Variants in TEX36 observed in about 807,000 individuals in gnomAD.
TEX36 encodes testis-expressed protein 36.
In TEX36, 12 loss-of-function variants were observed where a neutral mutation model predicts 13.6. That is an observed-to-expected ratio of 0.88 (90% CI 0.56 to 1.43). TEX36 has a LOEUF of 1.43. Ranked by LOEUF, TEX36 falls within the 40% of genes most tolerant of loss-of-function variation. The pLI is 0.00. For synonymous variants in TEX36, 93 were observed against 83.0 expected (o/e 1.12, Z -0.65); for missense variants, 224 against 228.3 (o/e 0.98, Z 0.12).
chr10:125,609,103 C>T (rs919921940), intron 3 of TEX36, among the ~76,000 whole-genome samples: 3 of 149,628 alleles, frequency 2.0e-5, no homozygotes, highest in South Asian at 2.1e-4. Context: ...TGCAGTGAGC[C>T]GAGATGGTGC....
At chr10:125,614,558 T>A (rs912346531) in intron 3 of TEX36, among the ~76,000 whole-genome samples, 1 of 152,216 alleles carries the variant, frequency 6.6e-6, no homozygotes, top group Non-Finnish European at 1.5e-5. Flanking sequence ...CCATTGCTTG[T>A]TCTTCTCAGG....
intron 3 of TEX36, among the ~76,000 whole-genome samples, chr10:125,649,851 T>C (rs528068713): frequency 1.7e-4 from 26 of 152,214 alleles, no homozygotes; most frequent in African/African-American, 6.3e-4. Flanking sequence ...GCAATCCTAG[T>C]CTCTGACAAA....
intron 3 of TEX36, among the ~76,000 whole-genome samples, chr10:125,607,883 G>A (rs56379159): frequency 0.078 from 11,801 of 152,168 alleles, 1,429 homozygotes; most frequent in African/African-American, 0.26. Flanking sequence ...CTGAGGCTGA[G>A]TCACATGACT....
At chr10:125,671,235 C>G (rs945557964) in intron 1 of TEX36, among the ~76,000 whole-genome samples, 2 of 152,134 alleles carry the variant, frequency 1.3e-5, no homozygotes, top group African/African-American at 4.8e-5. Context: ...ATGCTTCCAG[C>G]TTTTACCCAT....
intron 3 of TEX36, among the ~76,000 whole-genome samples, chr10:125,659,348 G>T (rs949811430): frequency 1.3e-5 from 2 of 152,186 alleles, no homozygotes; most frequent in Non-Finnish European, 2.9e-5. Flanking sequence ...ATACATTTAT[G>T]TGTGTACATC....
intron 3 of TEX36, among the ~76,000 whole-genome samples, chr10:125,646,436 T>C (rs986021473): frequency 1.3e-5 from 2 of 152,206 alleles, no homozygotes; most frequent in Non-Finnish European, 2.9e-5. Context: ...TACAGTGGCA[T>C]TCTGAGGGAG....
chr10:125,675,677 C>T (rs1274428413), intron 1 of TEX36, among the ~76,000 whole-genome samples: 1 of 152,172 alleles, frequency 6.6e-6, no homozygotes, highest in African/African-American at 2.4e-5. Context: ...GGCAGACACA[C>T]CACCCTACTT....
At chr10:125,599,709 C>A (rs1390853472) in intron 3 of TEX36, among the ~76,000 whole-genome samples, 2 of 152,192 alleles carry the variant, frequency 1.3e-5, no homozygotes, top group African/African-American at 2.4e-5. Flanking sequence ...ATATCTCTCC[C>A]TTAATATAAT....
exon 4 of TEX36, chr10:125,576,767 T>G (rs1341096500): frequency 6.5e-7 from 1 of 1,535,176 alleles, no homozygotes; most frequent in African/African-American, 1.4e-5. Context: ...CAAGGAGGGG[T>G]GCATTAGTTC....
chr10:125,641,204 T>C (rs924637770), intron 3 of TEX36, among the ~76,000 whole-genome samples: 5 of 152,290 alleles, frequency 3.3e-5, no homozygotes, highest in East Asian at 3.9e-4. Context: ...TTCCCGTGCC[T>C]GGCCACCCAA....
intron 3 of TEX36, among the ~76,000 whole-genome samples, chr10:125,585,103 A>C (rs534735873): frequency 2.6e-5 from 4 of 152,180 alleles, no homozygotes; most frequent in Admixed American, 6.5e-5. Flanking sequence ...AAAGAAAAAC[A>C]CCAGGAAAAA....
chr10:125,614,955 C>A (rs1402341758), intron 3 of TEX36, among the ~76,000 whole-genome samples: 2 of 152,120 alleles, frequency 1.3e-5, no homozygotes, highest in African/African-American at 4.8e-5. Context: ...TCTTTTATTT[C>A]CTTGAGCAGT....
downstream of TEX36, among the ~76,000 whole-genome samples, chr10:125,619,896 C>T (rs953926124): frequency 6.7e-6 from 1 of 150,134 alleles, no homozygotes; most frequent in Non-Finnish European, 1.5e-5. Flanking sequence ...TATATGTGTG[C>T]ATATATATAT....
chr10:125,611,037 T>C (rs1195939208), intron 3 of TEX36, among the ~76,000 whole-genome samples: 1 of 152,192 alleles, frequency 6.6e-6, no homozygotes, highest in Non-Finnish European at 1.5e-5. Flanking sequence ...TTTTTTTCAT[T>C]TAATCGTATA....
chr10:125,621,347 C>T (rs1846427760), downstream of TEX36, among the ~76,000 whole-genome samples: 1 of 152,028 alleles, frequency 6.6e-6, no homozygotes, highest in South Asian at 2.1e-4. Context: ...CACATCCTCA[C>T]CAACACTTGG....
At chr10:125,651,113 T>C (rs562154076), downstream of TEX36, among the ~76,000 whole-genome samples, 4 of 152,222 alleles carry the variant, frequency 2.6e-5, no homozygotes, top group South Asian at 2.1e-4. Context: ...TTCCAATCAA[T>C]AGAAAAAGAG....
intron 3 of TEX36, among the ~76,000 whole-genome samples, chr10:125,645,090 C>A (rs1846748077): frequency 2.6e-5 from 4 of 152,158 alleles, no homozygotes; most frequent in Admixed American, 2.6e-4. Flanking sequence ...GAGTGCACCT[C>A]GATTTTAGCC....
intron 1 of TEX36, among the ~76,000 whole-genome samples, chr10:125,663,816 A>G (rs1164554044): frequency 6.6e-6 from 1 of 152,122 alleles, no homozygotes; most frequent in Non-Finnish European, 1.5e-5. Flanking sequence ...GAAATGGAGG[A>G]TCCATCACCT....
chr10:125,608,857 G>T (rs946866350), intron 3 of TEX36, among the ~76,000 whole-genome samples: 1 of 151,726 alleles, frequency 6.6e-6, no homozygotes, highest in East Asian at 1.9e-4. Context: ...AAGGGAGGCC[G>T]GGCGCGGTGG....
Sources: allele counts gnomAD v4.1 joint callset (sites outside exome capture counted in the v4.1 genomes callset), GRCh38; gene constraint gnomAD v4.1.1; transcripts MANE v1.5; gene names NCBI Gene and HGNC (gene_info 2026-07-23, HGNC 2026-07-21).